GABRG3: variants seen among roughly 807,000 people sequenced by gnomAD.
GABRG3 encodes gamma-aminobutyric acid receptor subunit gamma-3.
A neutral mutation model predicts 48.8 loss-of-function variants in GABRG3; 25 were observed. The ratio of observed to expected loss-of-function variants is 0.51; its 90% confidence interval spans 0.37 to 0.72. The LOEUF is 0.72. Ranked by LOEUF, GABRG3 falls within the 30% of genes least tolerant of loss-of-function variation. The pLI is 0.00. For synonymous variants in GABRG3, 227 were observed against 217.6 expected (o/e 1.04, Z -0.38); for missense variants, 394 against 577.9 (o/e 0.68, Z 3.26).
intron 6 of GABRG3, among the ~76,000 whole-genome samples, chr15:27,517,342 T>A (rs1466543163): frequency 6.6e-6 from 1 of 152,224 alleles, no homozygotes; most frequent in Non-Finnish European, 1.5e-5. Context: ...CACTGGGACT[T>A]TCACTGGTGC....
chr15:27,126,919 G>A (rs193218632), intron 3 of GABRG3, among the ~76,000 whole-genome samples: 41 of 152,304 alleles, frequency 2.7e-4, no homozygotes, highest in African/African-American at 9.6e-4. Flanking sequence ...TAGTGAGGTA[G>A]CATTCGGCCT....
chr15:27,102,621 C>A (rs1026684175), intron 3 of GABRG3, among the ~76,000 whole-genome samples: 3 of 152,078 alleles, frequency 2.0e-5, no homozygotes, highest in Admixed American at 6.6e-5. Context: ...GAAGATTATT[C>A]CTTGGTCACA....
At chr15:27,477,907 A>G (rs1054709189) in intron 5 of GABRG3, among the ~76,000 whole-genome samples, 6 of 152,154 alleles carry the variant, frequency 3.9e-5, no homozygotes, top group East Asian at 3.9e-4. Flanking sequence ...TTAGCTGGGC[A>G]TGGTGGCAGG....
intron 5 of GABRG3, among the ~76,000 whole-genome samples, chr15:27,333,771 A>G (rs1297324904): frequency 6.6e-6 from 1 of 152,124 alleles, no homozygotes; most frequent in Non-Finnish European, 1.5e-5. Context: ...TCAGATTGTC[A>G]GGAGAATCTA....
intron 3 of GABRG3, among the ~76,000 whole-genome samples, chr15:27,291,739 G>C (rs950594099): frequency 2.0e-5 from 3 of 152,208 alleles, no homozygotes; most frequent in Admixed American, 2.0e-4. Context: ...CTCAGTGGCA[G>C]AGTGGAAACT....
chr15:27,505,740 A>T (rs1039662024), intron 6 of GABRG3, among the ~76,000 whole-genome samples: 16 of 152,130 alleles, frequency 1.1e-4, no homozygotes, highest in Non-Finnish European at 2.9e-5. Flanking sequence ...TTCAGAAAAT[A>T]CCTGTGTCTG....
rs1167681099 is a variant in GABRG3, at chr15:27,537,830, T to G, written c.*4949T>G. 6.7e-6 allele frequency: 1 copy of G among 149,508 alleles called. No homozygotes were observed. Among genetic ancestry groups the G allele is most frequent in the African/African-American group, 2.4e-5 (1 of 41,100 alleles). 9.3% of individuals were successfully genotyped at this position (149,508 alleles called of 1,614,324 possible). ...TTATTTTTATTATTTATTTATTTAT[T>G]TATTTATTTATTTATTTATTTATTT... On this transcript the variant is annotated 3_prime_UTR_variant, in exon 10 of 10. Transcript: ENST00000615808.
chr15:27,269,701 A>T (rs1007361966), intron 3 of GABRG3, among the ~76,000 whole-genome samples: 3 of 152,226 alleles, frequency 2.0e-5, no homozygotes, highest in Non-Finnish European at 4.4e-5. Flanking sequence ...TTAATAGGTG[A>T]CATGAGTACA....
At chr15:27,456,810 T>C (rs1168768826) in intron 5 of GABRG3, among the ~76,000 whole-genome samples, 1 of 152,068 alleles carries the variant, frequency 6.6e-6, no homozygotes, top group African/African-American at 2.4e-5. Flanking sequence ...GGCCCCTCCC[T>C]AGGAGGCTTG....
rs145238239 is a variant in GABRG3 at position 27,133,212 on chromosome 15, A to G, written c.270+106391A>G. 2.0e-3 allele frequency among the ~76,000 whole-genome samples: 298 copies of G among 152,294 alleles called. 1 individual carries two copies. The highest frequency in any genetic ancestry group is 6.6e-3 in the African/African-American group (273 of 41,554). ...AATATGATCATCCTTCCATCTTAAC[A>G]TACAGCTGGCTTTCTATTAGAAAAT... On this transcript the variant is annotated intron_variant, in intron 3 of 9. Transcript: ENST00000615808.
intron 3 of GABRG3, among the ~76,000 whole-genome samples, chr15:27,267,255 C>T (rs1342408513): frequency 6.6e-6 from 1 of 151,456 alleles, no homozygotes; most frequent in Non-Finnish European, 1.5e-5. Context: ...TGCAGGCATG[C>T]CCCACCATGC....
At chr15:27,117,074 G>A (rs990716759) in intron 3 of GABRG3, among the ~76,000 whole-genome samples, 2 of 152,166 alleles carry the variant, frequency 1.3e-5, no homozygotes, top group Non-Finnish European at 2.9e-5. Context: ...CTGAATTTTG[G>A]TTAAGCAAAT....
intron 5 of GABRG3, among the ~76,000 whole-genome samples, chr15:27,381,691 A>G (rs1423736388): frequency 1.3e-5 from 2 of 152,230 alleles, no homozygotes; most frequent in African/African-American, 4.8e-5. Flanking sequence ...CAATGAGAAT[A>G]AGAGTGAAGA....
At chr15:27,235,471 C>T (rs58770921) in intron 3 of GABRG3, among the ~76,000 whole-genome samples, 3,420 of 152,212 alleles carry the variant, frequency 0.022, 133 homozygotes, top group African/African-American at 0.078. Flanking sequence ...CTTTACAAAC[C>T]GTCGTTCAAT....
intron 3 of GABRG3, among the ~76,000 whole-genome samples, chr15:27,123,524 C>A (rs558231198): frequency 6.6e-6 from 1 of 152,322 alleles, no homozygotes; most frequent in African/African-American, 2.4e-5. Context: ...TCTTAGACTT[C>A]CCAGTCTCTA....
intron 6 of GABRG3, among the ~76,000 whole-genome samples, chr15:27,505,256 A>G (rs564992839): frequency 2.6e-5 from 4 of 152,110 alleles, no homozygotes; most frequent in Non-Finnish European, 4.4e-5. Flanking sequence ...TCACATAGGG[A>G]TTACATGATG....
chr15:27,468,096 A>G (rs575921900), intron 5 of GABRG3, among the ~76,000 whole-genome samples: 1 of 152,204 alleles, frequency 6.6e-6, no homozygotes, highest in African/African-American at 2.4e-5. Context: ...GGTCAGGGGA[A>G]GTCCCCATAC....
At chr15:26,984,328 C>T (rs1181443479) in intron 2 of GABRG3, among the ~76,000 whole-genome samples, 1 of 152,088 alleles carries the variant, frequency 6.6e-6, no homozygotes, top group Non-Finnish European at 1.5e-5. Flanking sequence ...GGCGATCCAT[C>T]ATCAGGAAAC....
intron 5 of GABRG3, among the ~76,000 whole-genome samples, chr15:27,431,988 A>G (rs1278301051): frequency 6.6e-6 from 1 of 151,714 alleles, no homozygotes. Flanking sequence ...ATTTCATTCC[A>G]TTGTGGTTGG....
Sources: gnomAD v4.1 joint callset for allele counts (sites outside exome capture counted in the v4.1 genomes callset) on GRCh38, gnomAD v4.1.1 for gene constraint, MANE v1.5 for transcripts, NCBI Gene and HGNC (gene_info 2026-07-23, HGNC 2026-07-21) for gene names.